The following AMZ1 variants were observed in gnomAD, a reference collection of about 807,000 sequenced individuals.
AMZ1 encodes the protein archaelysin family metallopeptidase 1.
A neutral mutation model predicts 29.9 loss-of-function variants in AMZ1; 39 were observed. The ratio of observed to expected loss-of-function variants is 1.30; its 90% CI spans 1.01 to 1.70. The LOEUF (loss-of-function observed/expected upper bound fraction) is 1.70, where lower values mean the gene tolerates loss of function less well. Ranked by LOEUF, AMZ1 falls within the 40% of genes most tolerant of loss-of-function variation. The pLI is 0.00. For synonymous variants in AMZ1, 458 were observed against 304.0 expected, an observed-to-expected ratio of 1.51 and a Z score of -5.27; for missense variants, 1,041 against 680.6, an observed-to-expected ratio of 1.53 and a Z score of -5.89.
Position 2,758,116 on chromosome 7 carries a change from G to A in AMZ1, n.551-6596G>A, listed in dbSNP as rs1010309011. On this transcript the variant is annotated intron_variant and non_coding_transcript_variant, in intron 4 of 4. Coordinates refer to the AMZ1 transcript ENST00000489665. ...TGTTGCTTCAGGCTCTTTATGGAAAGCCCCTCTATTTTTACTATCCTATTC... is the reference window on the plus strand; with the variant it reads ...TGTTGCTTCAGGCTCTTTATGGAAAACCCCTCTATTTTTACTATCCTATTC... Among the ~76,000 whole-genome samples the A allele has an allele frequency of 2.0e-4, 31 of 152,234 alleles. 1 individual carries two copies. Among genetic ancestry groups the A allele is most frequent in the Admixed American group, 9.2e-4 (14 of 15,292 alleles).
At chr7:2,755,129 C>G (rs1014926323) in intron 4 of AMZ1, among the ~76,000 whole-genome samples, 1 of 151,978 alleles carries the variant, frequency 6.6e-6, no homozygotes, top group African/African-American at 2.4e-5. Flanking sequence ...GACCTCGTGT[C>G]TCTCCCTGCG....
chr7:2,686,562 A>G (rs1787085026), upstream of AMZ1, among the ~76,000 whole-genome samples: 1 of 152,160 alleles, frequency 6.6e-6, no homozygotes, highest in East Asian at 1.9e-4. Context: ...ATACATTTCA[A>G]TGTGGAGGAG....
In AMZ1 at chr7:2,731,045, A is replaced by G. The variant is rs979644809; in HGVS notation, n.550+21229A>G. ...GAGCTCGCTGGCTGGCTGGTCTGAC[A>G]GCATTCCTGAGCCAGGTATTCCAGG... On this transcript the variant is annotated intron_variant and non_coding_transcript_variant, in intron 4 of 4. Transcript: ENST00000489665. The surrounding 1 kb of genome is among the most constrained non-coding windows in gnomAD (Gnocchi z 6.0). 81 of 609,520 alleles carry G rather than the reference A, an allele frequency of 1.3e-4. No individual in the cohort carries two copies. Among genetic ancestry groups the G allele is most frequent in the Non-Finnish European group, 2.1e-4 (73 of 348,050 alleles). The allele number at this position is 609,520 out of a possible 1,614,324, so 37.8% of individuals were successfully genotyped here.
intron 1 of AMZ1, among the ~76,000 whole-genome samples, chr7:2,695,182 GT>G (rs2115070941): frequency 6.6e-6 from 1 of 152,288 alleles, no homozygotes; most frequent in African/African-American, 2.4e-5. Context: ...ATCTGGTCCT[GT>G]CCATCGTCTG....
chr7:2,733,301 C>T (rs746590915), intron 4 of AMZ1: 10 of 674,288 alleles, frequency 1.5e-5, no homozygotes, highest in African/African-American at 3.5e-5. Context: ...CAAGTGAGAG[C>T]GTGCCATTAC....
At chr7:2,724,969 G>A (rs966428100) in intron 4 of AMZ1, among the ~76,000 whole-genome samples, 1 of 142,840 alleles carries the variant, frequency 7.0e-6, no homozygotes, top group Non-Finnish European at 1.6e-5. Flanking sequence ...TTTCTGCGCA[G>A]AAGCACTGTG....
chr7:2,691,262 C>T (rs976941344), intron 1 of AMZ1, among the ~76,000 whole-genome samples: 2 of 148,052 alleles, frequency 1.4e-5, no homozygotes, highest in African/African-American at 5.3e-5. Context: ...CAGGAAAGCC[C>T]CCTCAAGAGT....
intron 6 of AMZ1, 141 bp downstream of exon 6, chr7:2,709,957 G>T (rs1484507300): frequency 2.5e-6 from 3 of 1,189,354 alleles, no homozygotes; most frequent in Non-Finnish European, 3.6e-6. Flanking sequence ...AGAGCCCTGG[G>T]ACCTGCGCTG....
At chr7:2,696,841 G>T (rs182684507) in intron 1 of AMZ1, among the ~76,000 whole-genome samples, 2 of 152,182 alleles carry the variant, frequency 1.3e-5, no homozygotes, top group Non-Finnish European at 2.9e-5. Flanking sequence ...AGCAAAGATC[G>T]TGCTACTGCA....
At chr7:2,701,016 C>T (rs550493677) in intron 2 of AMZ1, among the ~76,000 whole-genome samples, 2 of 152,300 alleles carry the variant, frequency 1.3e-5, no homozygotes, top group South Asian at 2.1e-4. Context: ...CAGATGTGCA[C>T]GGTCCTGGCT....
intron 4 of AMZ1, 79 bp from the exon 5 acceptor site, chr7:2,708,996 G>T: frequency 6.8e-7 from 1 of 1,466,140 alleles, no homozygotes; most frequent in East Asian, 2.4e-5. Flanking sequence ...TTGCATGAGA[G>T]CATGAGGTGG....
intron 1 of AMZ1, among the ~76,000 whole-genome samples, chr7:2,688,966 C>G (rs1181543753): frequency 6.6e-6 from 1 of 152,244 alleles, no homozygotes; most frequent in Non-Finnish European, 1.5e-5. Context: ...GAGGGAAACA[C>G]TTGGCAGAGG....
chr7:2,754,797 A>G (rs1791212567), intron 4 of AMZ1, among the ~76,000 whole-genome samples: 1 of 152,152 alleles, frequency 6.6e-6, no homozygotes, highest in African/African-American at 2.4e-5. Context: ...GATGAAACAA[A>G]AATGACCGTT....
intron 4 of AMZ1, among the ~76,000 whole-genome samples, chr7:2,759,289 C>G (rs189533675): frequency 3.4e-4 from 52 of 152,242 alleles, no homozygotes; most frequent in African/African-American, 1.3e-3. Flanking sequence ...AGTTAAAACA[C>G]AGGCAAAAGG....
chr7:2,685,791 T>C (rs970601166), upstream of AMZ1, among the ~76,000 whole-genome samples: 11 of 145,702 alleles, frequency 7.5e-5, no homozygotes, highest in African/African-American at 2.8e-4. Context: ...AGGTGGAGCT[T>C]GCAGTGAGCC....
chr7:2,691,174 T>C (rs1787366516), intron 1 of AMZ1, among the ~76,000 whole-genome samples: 1 of 146,506 alleles, frequency 6.8e-6, no homozygotes, highest in South Asian at 2.2e-4. Flanking sequence ...CCTGATGCTT[T>C]GCCTGGAGTA....
chr7:2,723,188 C>T (rs769675115), downstream of AMZ1, among the ~76,000 whole-genome samples: 1 of 152,152 alleles, frequency 6.6e-6, no homozygotes, highest in Non-Finnish European at 1.5e-5. Flanking sequence ...ACAGAGTGTA[C>T]AGCCCACGGT....
chr7:2,720,760 C>G (rs1186885860), downstream of AMZ1, among the ~76,000 whole-genome samples: 2 of 152,012 alleles, frequency 1.3e-5, no homozygotes, highest in African/African-American at 4.8e-5. Flanking sequence ...AGGCTTATCT[C>G]AAATGCCTGG....
intron 4 of AMZ1, among the ~76,000 whole-genome samples, chr7:2,758,917 G>T (rs1791426214): frequency 6.6e-6 from 1 of 152,112 alleles, no homozygotes; most frequent in Non-Finnish European, 1.5e-5. Context: ...GGCCGAGGTG[G>T]ATCACCTGAG....
Sources: allele counts gnomAD v4.1 joint callset (sites outside exome capture counted in the v4.1 genomes callset), GRCh38; gene constraint gnomAD v4.1.1; non-coding constraint Gnocchi (gnomAD v3.1); transcripts MANE v1.5; gene names NCBI Gene and HGNC (gene_info 2026-07-23, HGNC 2026-07-21).